Variants in HECW1 observed in about 807,000 individuals in gnomAD.
HECW1 encodes HECT, C2 and WW domain containing E3 ubiquitin protein ligase 1, also known as E3 ubiquitin-protein ligase HECW1.
HECW1 carries 61 observed loss-of-function variants against 182.3 expected under a neutral mutation model. The observed-to-expected ratio is 0.33, with a 90% CI of 0.27 to 0.41. The LOEUF (loss-of-function observed/expected upper bound fraction) is 0.41, where lower values mean the gene tolerates loss of function less well. Ranked by LOEUF, HECW1 falls within the 10% of genes least tolerant of loss-of-function variation. The pLI is 1.00. For synonymous variants in HECW1, 859 were observed against 832.6 expected (o/e 1.03, Z -0.55); for missense variants, 1,739 against 2,108.9 (o/e 0.82, Z 3.44).
intron 2 of HECW1, among the ~76,000 whole-genome samples, chr7:43,157,809 T>C (rs998300111): frequency 1.3e-5 from 2 of 152,206 alleles, no homozygotes; most frequent in African/African-American, 4.8e-5. Context: ...GGTGCACCTG[T>C]CTTGGCCTCC....
intron 2 of HECW1, among the ~76,000 whole-genome samples, chr7:43,179,936 G>A (rs1792652185): frequency 6.6e-6 from 1 of 152,186 alleles, no homozygotes; most frequent in Admixed American, 6.5e-5. Context: ...AATTTGACCA[G>A]GGATGTTATA....
rs187241787 is a variant in HECW1 at position 43,562,085 on chromosome 7, A to G, written c.*159A>G. Reference sequence around the variant, plus strand: ...GGATTGACAAAAGCTGTGCATGAAGAACTGCCTTCTTCTAAGATCTAACCT... The same window carrying G: ...GGATTGACAAAAGCTGTGCATGAAGGACTGCCTTCTTCTAAGATCTAACCT... On this transcript the variant is annotated 3_prime_UTR_variant, in exon 30 of 30. Transcript: ENST00000395891. 1.0e-3 allele frequency: 596 copies of G among 595,982 alleles called. 3 individuals are homozygous for G. The highest frequency in any genetic ancestry group is 3.2e-3 in the Middle Eastern group (7 of 2,198). The allele number at this position is 595,982 out of a possible 1,614,324, so 36.9% of individuals were successfully genotyped here.
intron 8 of HECW1, among the ~76,000 whole-genome samples, chr7:43,408,074 C>G (rs990841785): frequency 6.6e-6 from 1 of 152,094 alleles, no homozygotes; most frequent in Non-Finnish European, 1.5e-5. Flanking sequence ...CACAGCTCTT[C>G]CCATGCATGT....
chr7:43,246,350 T>C (rs927425650), intron 3 of HECW1, among the ~76,000 whole-genome samples: 1 of 152,226 alleles, frequency 6.6e-6, no homozygotes, highest in African/African-American at 2.4e-5. Context: ...GACCACTTAA[T>C]GTATTTTCAG....
chr7:43,502,375 C>T (rs1452426990), intron 21 of HECW1, among the ~76,000 whole-genome samples: 3 of 152,260 alleles, frequency 2.0e-5, no homozygotes, highest in South Asian at 2.1e-4. Flanking sequence ...AAGATATTTT[C>T]GCCAGACACA....
At chr7:43,554,942 G>C in intron 29 of HECW1, 152 bp downstream of exon 29, 1 of 718,566 alleles carries the variant, frequency 1.4e-6, no homozygotes. Flanking sequence ...GTGAAGGTGA[G>C]GTGGCTGTGA....
At chr7:43,545,758 T>A (rs2081533880) in intron 26 of HECW1, among the ~76,000 whole-genome samples, 1 of 152,030 alleles carries the variant, frequency 6.6e-6, no homozygotes, top group African/African-American at 2.4e-5. Flanking sequence ...TCATAAAGTT[T>A]GTCTTCACTT....
At chr7:43,192,588 C>T (rs563822843) in intron 2 of HECW1, among the ~76,000 whole-genome samples, 25 of 151,984 alleles carry the variant, frequency 1.6e-4, no homozygotes, top group Non-Finnish European at 2.9e-4. Context: ...AATTAAATCT[C>T]CTAATTATAT....
At chr7:43,499,040 G>A (rs2079227221) in intron 19 of HECW1, among the ~76,000 whole-genome samples, 1 of 152,076 alleles carries the variant, frequency 6.6e-6, no homozygotes, top group Non-Finnish European at 1.5e-5. Flanking sequence ...CAGCACTTTG[G>A]GAGGCTGAGG....
intron 6 of HECW1, 95 bp from the exon 7 acceptor site, chr7:43,396,719 G>T: frequency 1.2e-6 from 1 of 825,458 alleles, no homozygotes; most frequent in Non-Finnish European, 2.1e-6. Context: ...GCCTGTAGCT[G>T]GTAAAATCAC....
chr7:43,383,641 A>C (rs1296104926), intron 6 of HECW1, among the ~76,000 whole-genome samples: 1 of 152,112 alleles, frequency 6.6e-6, no homozygotes. Context: ...TTTTCTTATA[A>C]ATTTGTTCAA....
In HECW1 at chr7:43,558,574, T is replaced by C. The variant is rs899765976; in HGVS notation, c.4710-3241T>C. The stretch of plus-strand genomic sequence containing the variant: ...GGGGAAGGGGTGCTACTGGTGTCCA[T>C]TGAGTAGAAGCCAAGGATGCTGCTA... On this transcript the variant is annotated intron_variant, in intron 29 of 29. Coordinates refer to ENST00000395891, the MANE Select transcript of HECW1 (RefSeq NM_015052.5). 6.6e-5 allele frequency among the ~76,000 whole-genome samples: 10 copies of C among 152,230 alleles called. No individual in the cohort carries two copies. The East Asian group carries it at 1.5e-3, about 24-fold the overall frequency.
intron 17 of HECW1, among the ~76,000 whole-genome samples, chr7:43,480,682 CGCAT>C (rs1237551039): frequency 2.4e-5 from 3 of 123,366 alleles, no homozygotes; most frequent in Non-Finnish European, 5.7e-5. Flanking sequence ...CACATATATA[CGCAT>C]ATATATATAT....
chr7:43,350,073 C>G (rs1814219578), intron 5 of HECW1, among the ~76,000 whole-genome samples: 1 of 152,130 alleles, frequency 6.6e-6, no homozygotes, highest in Non-Finnish European at 1.5e-5. Flanking sequence ...GGCAAATTCT[C>G]TCAGCATTTG....
intron 2 of HECW1, among the ~76,000 whole-genome samples, chr7:43,225,840 A>G (rs1329595530): frequency 6.6e-6 from 1 of 152,072 alleles, no homozygotes; most frequent in Non-Finnish European, 1.5e-5. Context: ...GCTGGAATGC[A>G]GTAGTATGAT....
At chr7:43,321,454 A>G (rs997320685) in intron 5 of HECW1, among the ~76,000 whole-genome samples, 5 of 152,074 alleles carry the variant, frequency 3.3e-5, no homozygotes, top group Admixed American at 1.3e-4. Flanking sequence ...CTTCGTGTGT[A>G]GGTATTTCCT....
chr7:43,403,824 T>C (rs2075510636), intron 7 of HECW1, among the ~76,000 whole-genome samples: 1 of 152,224 alleles, frequency 6.6e-6, no homozygotes, highest in Non-Finnish European at 1.5e-5. Context: ...GGTACTTAAC[T>C]TGAAATAAAT....
In HECW1 at chr7:43,533,804, C is replaced by T. The variant is rs112320238; in HGVS notation, c.4020-7359C>T. On this transcript the variant is annotated intron_variant, in intron 24 of 29. Coordinates refer to ENST00000395891, the MANE Select transcript of HECW1 (RefSeq NM_015052.5). ...TGCCCAGTACACCATGTGATCAGCT[C>T]TCCAGGCAGGAAGACCCAGCTTTGG... Among the ~76,000 whole-genome samples the T allele has an allele frequency of 1.8e-3, 271 of 152,316 alleles. 2 individuals are homozygous for T. The highest frequency in any genetic ancestry group is 6.4e-3 in the African/African-American group (264 of 41,574).
intron 2 of HECW1, among the ~76,000 whole-genome samples, chr7:43,203,639 G>A (rs1293706192): frequency 6.6e-6 from 1 of 152,108 alleles, no homozygotes; most frequent in East Asian, 1.9e-4. Flanking sequence ...TGTATTTTTA[G>A]TAGAGACAGG....
Sources: allele counts gnomAD v4.1 joint callset (sites outside exome capture counted in the v4.1 genomes callset), GRCh38; gene constraint gnomAD v4.1.1; transcripts MANE v1.5; gene names NCBI Gene and HGNC (gene_info 2026-07-23, HGNC 2026-07-21).